The following CHRNA2 variants were observed in gnomAD, a reference collection of about 807,000 sequenced individuals.
CHRNA2 encodes cholinergic receptor nicotinic alpha 2 subunit.
Under a neutral mutation model 45.5 loss-of-function variants are expected in CHRNA2, and 40 were observed. The ratio of observed to expected loss-of-function variants is 0.88; its 90% CI spans 0.68 to 1.15. The LOEUF is 1.15. CHRNA2 is among the 50% of genes most tolerant of loss of function. The pLI is 0.00. For missense variants in CHRNA2, 655 were observed against 701.7 expected (o/e 0.93, Z 0.75); for synonymous variants, 301 against 296.7 (o/e 1.01, Z -0.15).
chr8:27,468,320 A>G (rs946793971), intron 4 of CHRNA2, among the ~76,000 whole-genome samples: 23 of 152,118 alleles, frequency 1.5e-4, no homozygotes, highest in African/African-American at 5.1e-4. Context: ...GTAGCTTCCA[A>G]GTTCCTGCTT....
At chr8:27,469,701 G>A in intron 3 of CHRNA2, 60 bp downstream of exon 3, 3 of 1,594,040 alleles carry the variant, frequency 1.9e-6, no homozygotes, top group Non-Finnish European at 2.6e-6. Context: ...GGAGCAGGGG[G>A]AAAGCGGTGG....
intron 1 of CHRNA2, among the ~76,000 whole-genome samples, chr8:27,472,581 G>C (rs1812922433): frequency 6.6e-6 from 1 of 152,176 alleles, no homozygotes; most frequent in Non-Finnish European, 1.5e-5. Context: ...TGATCCTACT[G>C]ATATGGAATA....
chr8:27,470,840 A>T, intron 2 of CHRNA2, 146 bp downstream of exon 2: 1 of 772,360 alleles, frequency 1.3e-6, no homozygotes, highest in South Asian at 1.5e-5. Flanking sequence ...CACCTCTGCC[A>T]GTGGAAACAG....
At chr8:27,472,039 G>A (rs183381128) in intron 1 of CHRNA2, among the ~76,000 whole-genome samples, 73 of 152,308 alleles carry the variant, frequency 4.8e-4, no homozygotes, top group Non-Finnish European at 5.6e-4. Context: ...ATAAAACCCC[G>A]AAAGGACAGG....
chr8:27,461,323 CTT>C lies in CHRNA2; in HGVS notation c.*304_*305del, dbSNP rs1357345881. The C allele has an allele frequency of 5.0e-6, 2 of 403,956 alleles. No individual in the cohort carries two copies. Among genetic ancestry groups the C allele is most frequent in the Non-Finnish European group, 9.3e-6 (2 of 216,134 alleles). 25.0% of individuals were successfully genotyped at this position (403,956 alleles called of 1,614,324 possible). A position where few individuals can be genotyped will look rare whatever the true frequency, so the allele number is the denominator to read the frequency against. Reference sequence around the variant, plus strand: ...GTCCCCCTGGTTGACCCTTCTGTCACTTAGGGTCTGCACTGCTCCTCCAGGAG... The same window carrying C: ...GTCCCCCTGGTTGACCCTTCTGTCACAGGGTCTGCACTGCTCCTCCAGGAG... On this transcript the variant is annotated 3_prime_UTR_variant, in exon 7 of 7. Transcript: ENST00000407991.
intron 3 of CHRNA2, 96 bp downstream of exon 3, chr8:27,469,665 G>T: frequency 2.0e-6 from 3 of 1,469,104 alleles, no homozygotes; most frequent in Admixed American, 1.7e-5. Flanking sequence ...ACTGCTGTGC[G>T]TGAGGGCAGG....
rs1356237382 is a variant in CHRNA2, at chr8:27,471,027, A to G, written c.32T>C (p.Phe11Ser). Residue 11 changes from phenylalanine to serine, a missense_variant, in exon 2 of 7, where the codon TTC becomes TCC. By Grantham distance (155) the Phe-to-Ser change is radical. Coordinates refer to ENST00000407991, the MANE Select transcript of CHRNA2 (RefSeq NM_000742.4). MGPSCPVFLSFTKLSLWWLLL... is the reference protein window; with the variant it reads MGPSCPVFLSSTKLSLWWLLL... ...GAGCCACCACAGGCTGAGCTTTGTG[A>G]AGGACAGGAACACAGGACAGGAGGG... 6.2e-7 allele frequency: 1 copy of G among 1,614,088 alleles called. No individual in the cohort carries two copies. The highest frequency in any genetic ancestry group is 8.5e-7 in the Non-Finnish European group (1 of 1,179,970).
chr8:27,467,175 G>T (rs1348806679), intron 5 of CHRNA2, 54 bp downstream of exon 5: 1 of 1,411,392 alleles, frequency 7.1e-7, no homozygotes, highest in African/African-American at 1.4e-5. Context: ...CCATGGACCC[G>T]GCCCCTGCAA....
chr8:27,465,887 A>T (rs1471682644), intron 5 of CHRNA2, among the ~76,000 whole-genome samples: 1 of 152,186 alleles, frequency 6.6e-6, no homozygotes, highest in Non-Finnish European at 1.5e-5. Context: ...TCTAAATGTA[A>T]GCAAGACTTC....
intron 5 of CHRNA2, among the ~76,000 whole-genome samples, chr8:27,466,246 AT>A (rs1812695252): frequency 6.6e-6 from 1 of 152,158 alleles, no homozygotes; most frequent in Non-Finnish European, 1.5e-5. Flanking sequence ...AAAAAAAAAA[AT>A]CTGACCCATC....
intron 1 of CHRNA2, 156 bp from the exon 2 acceptor site, chr8:27,471,350 G>A (rs1812877791): frequency 2.6e-6 from 1 of 386,082 alleles, no homozygotes; most frequent in Non-Finnish European, 4.9e-6. Context: ...GGCTTATTGA[G>A]GAATCAGCCT....
At chr8:27,467,839 G>T (rs1812746938) in intron 4 of CHRNA2, among the ~76,000 whole-genome samples, 1 of 152,138 alleles carries the variant, frequency 6.6e-6, no homozygotes, top group Admixed American at 6.5e-5. Context: ...ATACAGTGAG[G>T]CAGGGGTGTT....
intron 1 of CHRNA2, among the ~76,000 whole-genome samples, chr8:27,473,995 A>G (rs1456565325): frequency 2.0e-5 from 3 of 152,276 alleles, no homozygotes; most frequent in South Asian, 4.2e-4. Flanking sequence ...AAGGTCACTC[A>G]ATCCCCCTGG....
intron 5 of CHRNA2, among the ~76,000 whole-genome samples, 193 bp from the exon 6 acceptor site, chr8:27,464,186 T>C (rs1344894537): frequency 6.6e-6 from 1 of 152,172 alleles, no homozygotes; most frequent in East Asian, 1.9e-4. Context: ...TGTCAATTAC[T>C]ACCTTTTTAA....
Position 27,461,625 on chromosome 8 carries a change from G to A in CHRNA2, c.*4C>T, listed in dbSNP as rs375304755. On this transcript the variant is annotated 3_prime_UTR_variant, in exon 7 of 7. Coordinates refer to ENST00000407991, the MANE Select transcript of CHRNA2 (RefSeq NM_000742.4). Reference sequence around the variant, plus strand: ...CCCTGGGAGCCAGCTCGAGGGAGGTGCAGTCAGATCATTCCAGCTAGGAAC... The same window carrying A: ...CCCTGGGAGCCAGCTCGAGGGAGGTACAGTCAGATCATTCCAGCTAGGAAC... 5 of 1,614,120 alleles carry A rather than the reference G, an allele frequency of 3.1e-6. No homozygotes were observed. Among genetic ancestry groups the A allele is most frequent in the Non-Finnish European group, 4.2e-6 (5 of 1,180,040 alleles).
At chr8:27,474,555 A>G (rs993398892) in intron 1 of CHRNA2, among the ~76,000 whole-genome samples, 2 of 152,012 alleles carry the variant, frequency 1.3e-5, no homozygotes, top group Admixed American at 6.5e-5. Flanking sequence ...CAGTATATGT[A>G]TGGAATGAAC....
intron 1 of CHRNA2, among the ~76,000 whole-genome samples, chr8:27,472,817 C>T (rs1420907163): frequency 6.6e-6 from 1 of 151,992 alleles, no homozygotes; most frequent in East Asian, 1.9e-4. Context: ...GAATTTATCT[C>T]AAAAAAAGTT....
At chr8:27,470,219 G>A (rs1000667967) in intron 2 of CHRNA2, among the ~76,000 whole-genome samples, 2 of 152,164 alleles carry the variant, frequency 1.3e-5, no homozygotes, top group Admixed American at 6.5e-5. Context: ...GAGGGGCAGG[G>A]GCAGAGGCAG....
At chr8:27,473,535 C>A (rs765244829) in intron 1 of CHRNA2, among the ~76,000 whole-genome samples, 1 of 138,262 alleles carries the variant, frequency 7.2e-6, no homozygotes, top group Non-Finnish European at 1.6e-5. Context: ...CCCCCCCCGC[C>A]GTCTCTACAA....
Sources: gnomAD v4.1 joint callset for allele counts (sites outside exome capture counted in the v4.1 genomes callset) on GRCh38, gnomAD v4.1.1 for gene constraint, MANE v1.5 for transcripts, NCBI Gene and HGNC (gene_info 2026-07-23, HGNC 2026-07-21) for gene names.